The following LRBA variants were observed in gnomAD, a reference collection of about 807,000 sequenced individuals.
LRBA encodes the protein lipopolysaccharide-responsive and beige-like anchor protein.
LRBA carries 176 observed loss-of-function variants against 330.0 expected under a neutral mutation model. The ratio of observed to expected loss-of-function variants is 0.53; its 90% CI spans 0.47 to 0.60. The LOEUF (loss-of-function observed/expected upper bound fraction) is 0.60, where lower values mean the gene tolerates loss of function less well. Ranked by LOEUF, LRBA falls within the 20% of genes least tolerant of loss-of-function variation. LRBA has a pLI of 0.00. For synonymous variants in LRBA, 1,230 were observed against 1,193.0 expected (o/e 1.03, Z -0.64); for missense variants, 3,259 against 3,444.8 (o/e 0.95, Z 1.35).
At chr4:150,267,758 T>C (rs970245727) in intron 56 of LRBA, among the ~76,000 whole-genome samples, 19 of 152,196 alleles carry the variant, frequency 1.2e-4, no homozygotes, top group African/African-American at 4.6e-4. Context: ...GACAAACCTC[T>C]AGCTAGACTA....
chr4:150,864,395 T>C (rs1752407931), intron 22 of LRBA, among the ~76,000 whole-genome samples: 1 of 152,096 alleles, frequency 6.6e-6, no homozygotes, highest in Non-Finnish European at 1.5e-5. Flanking sequence ...ATAAATAACA[T>C]TTTTTGAAAA....
intron 2 of LRBA, among the ~76,000 whole-genome samples, chr4:151,012,175 C>CT (rs1361562544): frequency 6.6e-6 from 1 of 152,204 alleles, no homozygotes; most frequent in African/African-American, 2.4e-5. Flanking sequence ...CAGGCACCTA[C>CT]TATCCTGCAA....
intron 53 of LRBA, among the ~76,000 whole-genome samples, chr4:150,298,761 A>C (rs2126831266): frequency 6.6e-6 from 1 of 152,216 alleles, no homozygotes; most frequent in East Asian, 1.9e-4. Flanking sequence ...GGAAAAGAAA[A>C]AAAATGCCAC....
chr4:150,627,047 T>C (rs1321889726), intron 37 of LRBA, among the ~76,000 whole-genome samples: 2 of 152,098 alleles, frequency 1.3e-5, no homozygotes, highest in African/African-American at 4.8e-5. Context: ...CATATAGTTT[T>C]GTAAAACAAA....
intron 36 of LRBA, among the ~76,000 whole-genome samples, chr4:150,705,301 G>A (rs767949039): frequency 6.6e-6 from 1 of 152,048 alleles, no homozygotes; most frequent in Non-Finnish European, 1.5e-5. Context: ...GAATATAAAC[G>A]GGTAAGAAGA....
intron 52 of LRBA, among the ~76,000 whole-genome samples, chr4:150,303,684 G>C (rs1364956248): frequency 2.6e-5 from 4 of 152,052 alleles, no homozygotes; most frequent in Non-Finnish European, 1.5e-5. Flanking sequence ...CCATTCTCCT[G>C]CTCAGCCTCC....
chr4:150,807,104 T>G (rs1030522813), intron 32 of LRBA, among the ~76,000 whole-genome samples: 1 of 144,434 alleles, frequency 6.9e-6, no homozygotes, highest in African/African-American at 2.6e-5. Flanking sequence ...TTAATGAGGG[T>G]TTTTTTTTTA....
intron 29 of LRBA, among the ~76,000 whole-genome samples, chr4:150,831,197 TTTC>T (rs1310489042): frequency 2.8e-4 from 42 of 148,844 alleles, no homozygotes; most frequent in Admixed American, 2.8e-3. Context: ...TCTTTATTAC[TTTC>T]TTTTTTTTTT....
chr4:150,651,586 G>A (rs1033295522), intron 37 of LRBA, among the ~76,000 whole-genome samples: 5 of 151,882 alleles, frequency 3.3e-5, no homozygotes, highest in African/African-American at 1.2e-4. Context: ...AGCTCCCATG[G>A]CAACCTAGAC....
intron 35 of LRBA, among the ~76,000 whole-genome samples, chr4:150,739,854 A>C (rs1731712240): frequency 6.6e-6 from 1 of 152,198 alleles, no homozygotes; most frequent in African/African-American, 2.4e-5. Context: ...TGATCATGGA[A>C]GCAGATCCTT....
At chr4:150,533,075 T>C (rs1290877680) in intron 40 of LRBA, among the ~76,000 whole-genome samples, 1 of 152,134 alleles carries the variant, frequency 6.6e-6, no homozygotes, top group Non-Finnish European at 1.5e-5. Flanking sequence ...CTTTCTACCA[T>C]CCTGAAAAAA....
intron 37 of LRBA, among the ~76,000 whole-genome samples, chr4:150,677,049 T>G (rs887287794): frequency 3.9e-5 from 6 of 152,140 alleles, no homozygotes; most frequent in Non-Finnish European, 8.8e-5. Context: ...TTTTCAAAAT[T>G]TATTACTGCT....
intron 45 of LRBA, among the ~76,000 whole-genome samples, chr4:150,436,484 C>G (rs1380674227): frequency 6.6e-6 from 1 of 152,068 alleles, no homozygotes; most frequent in Admixed American, 6.5e-5. Flanking sequence ...AATTTGGAAT[C>G]TGGTAAGACA....
chr4:150,812,001 A>G (rs924078316), intron 31 of LRBA, among the ~76,000 whole-genome samples: 4 of 152,214 alleles, frequency 2.6e-5, no homozygotes, highest in African/African-American at 7.2e-5. Flanking sequence ...TCATAAGAAG[A>G]CACTTTACCA....
intron 40 of LRBA, among the ~76,000 whole-genome samples, chr4:150,570,906 G>A (rs1013078669): frequency 3.3e-5 from 5 of 152,124 alleles, no homozygotes; most frequent in East Asian, 3.8e-4. Flanking sequence ...AATACAGAGT[G>A]TCAAATTGAC....
chr4:150,447,652 T>C (rs1211389891), intron 44 of LRBA, among the ~76,000 whole-genome samples: 2 of 152,200 alleles, frequency 1.3e-5, no homozygotes, highest in East Asian at 1.9e-4. Flanking sequence ...TACAGATACA[T>C]AGATAACTCC....
chr4:150,662,943 T>TGTC (rs1477784024), intron 37 of LRBA, among the ~76,000 whole-genome samples: 2 of 151,754 alleles, frequency 1.3e-5, no homozygotes, highest in Non-Finnish European at 2.9e-5. Flanking sequence ...GGTGAGAGAG[T>TGTC]GAGACCCTAT....
chr4:150,882,608 T>C (rs980988271), intron 17 of LRBA, among the ~76,000 whole-genome samples: 1 of 152,226 alleles, frequency 6.6e-6, no homozygotes, highest in African/African-American at 2.4e-5. Flanking sequence ...TGGATATTTT[T>C]GAATTGAAAT....
At chr4:150,698,750 T>C (rs1244526878) in intron 36 of LRBA, among the ~76,000 whole-genome samples, 2 of 152,204 alleles carry the variant, frequency 1.3e-5, no homozygotes, top group African/African-American at 4.8e-5. Context: ...TCTTGTTATA[T>C]GTATGTATAT....
Sources: allele counts gnomAD v4.1 joint callset (sites outside exome capture counted in the v4.1 genomes callset), GRCh38; gene constraint gnomAD v4.1.1; transcripts MANE v1.5; gene names NCBI Gene and HGNC (gene_info 2026-07-23, HGNC 2026-07-21).